E2F7: variants seen among roughly 807,000 people sequenced by gnomAD.
E2F7 encodes transcription factor E2F7.
Under a neutral mutation model 81.1 loss-of-function variants are expected in E2F7, and 35 were observed. The ratio of observed to expected loss-of-function variants is 0.43; its 90% confidence interval spans 0.33 to 0.57. The LOEUF (loss-of-function observed/expected upper bound fraction) is 0.57. Among genes scored for constraint, E2F7 ranks in the 20% least tolerant of loss-of-function variants. The pLI, the probability that E2F7 is intolerant of heterozygous loss-of-function variation, is 0.04. For missense variants in E2F7, 961 were observed against 1,093.7 expected (o/e 0.88, Z 1.71); for synonymous variants, 416 against 416.2 (o/e 1.00, Z 0.01).
Position 77,030,150 on chromosome 12 carries a change from A to T in E2F7, c.1565T>A (p.Val522Glu), listed in dbSNP as rs1384710296. Residue 522 changes from valine to glutamate, a missense_variant, in exon 10 of 13, where the codon GTG becomes GAG. This residue lies in a region of E2F7 where 587 missense variants were observed against 620.3 expected (regional missense o/e 0.95). Coordinates refer to ENST00000322886, the MANE Select transcript of E2F7 (RefSeq NM_203394.3). ...GGCTGCAGAAGCAAGTGAGACATCC[A>T]CTTGTCCATTCAGACCGTTCTGCAT... ...FSMQNGLNGQ[V>E]DVSLASAASA... is the part of the protein sequence containing the mutation. 6.2e-7 allele frequency: 1 copy of T among 1,614,076 alleles called. No homozygotes were observed.
intron 5 of E2F7, chr12:77,045,831 C>A: frequency 1.7e-6 from 1 of 588,394 alleles, no homozygotes; most frequent in East Asian, 2.8e-5. Context: ...CTCGAGTGAA[C>A]TGCCATGAGC....
At chr12:77,064,503 C>T (rs1365646498) in intron 2 of E2F7, 40 bp downstream of exon 2, 1 of 1,536,200 alleles carries the variant, frequency 6.5e-7, no homozygotes, top group East Asian at 2.2e-5. Flanking sequence ...ACATCACCAT[C>T]CTTAACATAT....
At position 77,030,102 on chromosome 12, in the gene E2F7, G is replaced by A. The variant is rs781761938; in HGVS notation, c.1613C>T (p.Pro538Leu). ...TAGAGGCTGGCCAGCAAGGAGTGCT[G>A]GCTTCAGGCTCTCCACAGCAGAGGC... ...SAASAVESLKPALLAGQPLVY... is the reference protein window; with the variant it reads ...SAASAVESLKLALLAGQPLVY... Residue 538 changes from proline (P) to leucine (L), a missense_variant, in exon 10 of 13, where the codon CCA (proline) becomes CTA (leucine). Physicochemically the swap from Pro to Leu is moderately conservative, Grantham distance 98 (BLOSUM62 -3). Coordinates refer to ENST00000322886, the MANE Select transcript of E2F7 (RefSeq NM_203394.3). The A allele has an allele frequency of 6.2e-7, 1 of 1,614,174 alleles. No homozygotes were observed. Among genetic ancestry groups the A allele is most frequent in the South Asian group, 1.1e-5 (1 of 91,086 alleles).
At chr12:77,052,308 A>G (rs945023358) in intron 3 of E2F7, among the ~76,000 whole-genome samples, 4 of 152,166 alleles carry the variant, frequency 2.6e-5, no homozygotes, top group African/African-American at 9.6e-5. Context: ...AAATAAGTTG[A>G]GGGTCCCATT....
chr12:77,043,131 C>T lies in E2F7; in HGVS notation c.1057G>A (p.Val353Ile). 1 of 1,614,224 alleles carries T rather than the reference C, an allele frequency of 6.2e-7. No individual in the cohort carries two copies. The highest frequency in any genetic ancestry group is 1.1e-5 in the South Asian group (1 of 91,088). ...TSLALIKKVH[V>I]TEERGRKPAF... ...GGTTTACGACCTCGCTCTTCTGTTA[C>T]ATGCACTTTCTTTATCAGAGCCAAG... Residue 353 changes from valine to isoleucine, a missense_variant, in exon 7 of 13, where the codon GTA (valine) becomes ATA (isoleucine). By Grantham distance (29) the Val-to-Ile change is conservative. Coordinates refer to ENST00000322886, the MANE Select transcript of E2F7 (RefSeq NM_203394.3).
intron 3 of E2F7, among the ~76,000 whole-genome samples, chr12:77,053,587 G>A (rs1054014337): frequency 6.6e-6 from 1 of 152,158 alleles, no homozygotes; most frequent in Non-Finnish European, 1.5e-5. Context: ...ACTGCCCAAG[G>A]CAAACTTGTA....
chr12:77,045,971 G>C (rs1294902196), intron 5 of E2F7, 67 bp downstream of exon 5: 1 of 1,552,640 alleles, frequency 6.4e-7, no homozygotes, highest in East Asian at 2.3e-5. Context: ...TCTGAGCAGT[G>C]AATCTGCAGA....
At chr12:77,045,269 T>G (rs553166432) in intron 5 of E2F7, among the ~76,000 whole-genome samples, 1 of 152,310 alleles carries the variant, frequency 6.6e-6, no homozygotes, top group Admixed American at 6.5e-5. Context: ...CCACTTCTTT[T>G]CAGAAATATG....
rs184793787 is a variant in E2F7 at position 77,025,824 on chromosome 12, G to A, written c.2299C>T (p.Pro767Ser). The A allele has an allele frequency of 2.5e-6, 4 of 1,614,066 alleles. No individual in the cohort carries two copies. In the East Asian group the frequency reaches 8.9e-5, roughly 36 times the overall value. ...AGAGCACCAAGAGTAGAAGAAACCG[G>A]GCCCGGCATTGCAGGAGAATAGAGA... ...PVLYSPAMPG[P>S]VSSTLGALPN... is the part of the protein sequence containing the mutation. The change falls in exon 12 of 13, where the codon CCG becomes TCG. Residue 767 changes from proline to serine, a missense_variant. Pro to Ser is a moderately conservative substitution (Grantham distance 74, BLOSUM62 -1). Coordinates refer to ENST00000322886, the MANE Select transcript of E2F7 (RefSeq NM_203394.3).
At position 77,023,290 on chromosome 12, in the gene E2F7, GT is replaced by G. The variant is rs1472938944; in HGVS notation, c.*724del. The G allele has an allele frequency of 6.6e-6, 1 of 152,642 alleles. No individual in the cohort carries two copies. Among genetic ancestry groups the G allele is most frequent in the Non-Finnish European group, 1.5e-5 (1 of 68,030 alleles). The allele number at this position is 152,642 out of a possible 1,614,324, so 9.5% of individuals were successfully genotyped here. ...TGCTAGAGTTCTAGAGTTCATCTTT[GT>G]TCTCAAGCCCACAGTCAGGGTTAGC... On this transcript the variant is annotated 3_prime_UTR_variant, in exon 13 of 13. Coordinates refer to ENST00000322886, the MANE Select transcript of E2F7 (RefSeq NM_203394.3).
intron 10 of E2F7, 137 bp from the exon 11 acceptor site, chr12:77,028,275 C>A: frequency 8.8e-7 from 1 of 1,135,648 alleles, no homozygotes; most frequent in Non-Finnish European, 1.2e-6. Flanking sequence ...TCACTGCAAC[C>A]TCTGACTCCA....
chr12:77,034,069 T>A (rs1226171225), intron 7 of E2F7, 27 bp from the exon 8 acceptor site: 2 of 1,590,772 alleles, frequency 1.3e-6, no homozygotes, highest in Non-Finnish European at 1.7e-6. Context: ...ATTGGTAGTG[T>A]TGTTATACAG....
At chr12:77,030,412 C>A in intron 9 of E2F7, 80 bp from the exon 10 acceptor site, 2 of 1,477,542 alleles carry the variant, frequency 1.4e-6, no homozygotes, top group South Asian at 1.4e-5. Context: ...ACAGCCATGC[C>A]AAATCAAGAA....
Position 77,056,031 on chromosome 12 carries a change from T to G in E2F7, c.193A>C (p.Asn65His). 6.2e-7 allele frequency: 1 copy of G among 1,614,178 alleles called. No homozygotes were observed. Among genetic ancestry groups the G allele is most frequent in the Non-Finnish European group, 8.5e-7 (1 of 1,180,002 alleles). ...ACAAACTTAACTGGAGTAATGGGAT[T>G]TCTTTCTGGAGTAAATTTTTTTTGC... is the stretch of plus-strand genomic sequence containing the variant. ...SKQKKFTPER[N>H]PITPVKFVDR... Residue 65 changes from asparagine (N) to histidine (H), a missense_variant, in exon 3 of 13, where the codon AAT becomes CAT. Around this residue, in one of 3 missense-constraint regions of E2F7, gnomAD observed 301 missense variants for 405.0 expected, o/e 0.74. Transcript: ENST00000322886.
chr12:77,024,008 C>T lies in E2F7; in HGVS notation c.*7G>A. ...TTGATCCCACCCCCACCTGGCAAAG[C>T]GGCAGGTTAGTCAGCGCCGCCGCTG... On this transcript the variant is annotated 3_prime_UTR_variant, in exon 13 of 13. Coordinates refer to ENST00000322886, the MANE Select transcript of E2F7 (RefSeq NM_203394.3). 1.4e-5 allele frequency: 22 copies of T among 1,612,368 alleles called. No individual in the cohort carries two copies. Among genetic ancestry groups the T allele is most frequent in the Non-Finnish European group, 1.8e-5 (21 of 1,179,592 alleles).
intron 7 of E2F7, among the ~76,000 whole-genome samples, chr12:77,034,651 C>T (rs372004511): frequency 3.9e-5 from 6 of 152,266 alleles, no homozygotes; most frequent in Non-Finnish European, 5.9e-5. Context: ...TTGTGTTTAA[C>T]GGAGTATATG....
At chr12:77,037,643 C>T (rs1954862889) in intron 7 of E2F7, among the ~76,000 whole-genome samples, 1 of 152,036 alleles carries the variant, frequency 6.6e-6, no homozygotes, top group African/African-American at 2.4e-5. Context: ...GAACCATTAA[C>T]ATAACACAAC....
chr12:77,046,756 A>G (rs1165759852), intron 4 of E2F7, among the ~76,000 whole-genome samples: 2 of 152,228 alleles, frequency 1.3e-5, no homozygotes, highest in African/African-American at 4.8e-5. Context: ...TACAAAATCA[A>G]CTGTGTCCAA....
At chr12:77,050,189 A>G (rs1245466995) in intron 4 of E2F7, among the ~76,000 whole-genome samples, 1 of 152,230 alleles carries the variant, frequency 6.6e-6, no homozygotes, top group Non-Finnish European at 1.5e-5. Flanking sequence ...AAGTTGAAAT[A>G]ACACTAGTTC....
Sources: allele counts gnomAD v4.1 joint callset (sites outside exome capture counted in the v4.1 genomes callset), GRCh38; gene constraint gnomAD v4.1.1; regional missense constraint gnomAD v4.1.1; transcripts MANE v1.5; gene names NCBI Gene and HGNC (gene_info 2026-07-23, HGNC 2026-07-21).